The following SCHIP1 variants were observed in gnomAD, a reference collection of about 807,000 sequenced individuals.
SCHIP1 encodes the protein schwannomin-interacting protein 1.
In SCHIP1, 8 loss-of-function variants were observed where a neutral mutation model predicts 29.7. The ratio of observed to expected loss-of-function variants is 0.27; its 90% CI spans 0.16 to 0.49. The LOEUF is 0.49. Ranked by LOEUF, SCHIP1 falls within the 20% of genes least tolerant of loss-of-function variation. The pLI, the probability that SCHIP1 is intolerant of heterozygous loss-of-function variation, is 0.99. For synonymous variants in SCHIP1, 76 were observed against 94.9 expected, an observed-to-expected ratio of 0.80 and a Z score of 1.16; for missense variants, 193 against 294.6, an observed-to-expected ratio of 0.66 and a Z score of 2.52.
the SCHIP1 span, among the ~76,000 whole-genome samples, chr3:159,788,894 A>G: frequency 6.6e-6 from 1 of 152,182 alleles, no homozygotes; most frequent in Non-Finnish European, 1.5e-5. Context: ...AAAATCTGAA[A>G]TCTAAAATGC....
the SCHIP1 span, among the ~76,000 whole-genome samples, chr3:159,450,309 C>T: frequency 6.6e-6 from 1 of 152,180 alleles, no homozygotes; most frequent in Non-Finnish European, 1.5e-5. Context: ...TCCGTAAGTT[C>T]TATTGCCTGC....
At chr3:159,421,147 T>A in the SCHIP1 span, among the ~76,000 whole-genome samples, 2 of 152,246 alleles carry the variant, frequency 1.3e-5, no homozygotes, top group South Asian at 2.1e-4. Context: ...CATCTTTACC[T>A]GCTGTGTTGT....
the SCHIP1 span, among the ~76,000 whole-genome samples, chr3:159,472,500 T>C: frequency 6.6e-6 from 1 of 152,196 alleles, no homozygotes; most frequent in East Asian, 1.9e-4. Context: ...CTATATTGCC[T>C]GAGTCGGCTG....
the SCHIP1 span, among the ~76,000 whole-genome samples, chr3:159,480,418 A>G: frequency 6.6e-6 from 1 of 152,022 alleles, no homozygotes; most frequent in South Asian, 2.1e-4. Context: ...GACAAATCCA[A>G]TTTTCTCACT....
At chr3:159,337,771 T>A in the SCHIP1 span, among the ~76,000 whole-genome samples, 4 of 152,138 alleles carry the variant, frequency 2.6e-5, no homozygotes, top group African/African-American at 9.7e-5. Context: ...ATATTAGCCC[T>A]GTTTCAATCC....
the SCHIP1 span, among the ~76,000 whole-genome samples, chr3:159,460,871 A>C: frequency 2.0e-5 from 3 of 152,168 alleles, no homozygotes; most frequent in African/African-American, 7.2e-5. Flanking sequence ...CCTAGTTTGA[A>C]GTAGAGAAAA....
chr3:159,303,167 A>G, the SCHIP1 span, among the ~76,000 whole-genome samples: 2 of 152,198 alleles, frequency 1.3e-5, no homozygotes, highest in African/African-American at 4.8e-5. Context: ...ACAGGCAGAG[A>G]TGGGAGCACT....
chr3:159,420,804 C>T, the SCHIP1 span, among the ~76,000 whole-genome samples: 3 of 152,138 alleles, frequency 2.0e-5, no homozygotes, highest in Non-Finnish European at 4.4e-5. Context: ...TACTGAGAAG[C>T]TTTATTGAGA....
chr3:159,519,861 G>GA, the SCHIP1 span, among the ~76,000 whole-genome samples: 388 of 146,426 alleles, frequency 2.6e-3, 3 homozygotes, highest in African/African-American at 9.0e-3. Flanking sequence ...CAGTCATGAA[G>GA]AAAAAAAAAA....
the SCHIP1 span, among the ~76,000 whole-genome samples, chr3:159,425,112 A>G: frequency 3.3e-5 from 5 of 151,942 alleles, no homozygotes; most frequent in South Asian, 2.1e-4. Context: ...GACCATCGAG[A>G]CTAGGAAGAA....
chr3:159,477,020 A>T, the SCHIP1 span, among the ~76,000 whole-genome samples: 4 of 152,136 alleles, frequency 2.6e-5, no homozygotes, highest in South Asian at 8.3e-4. Flanking sequence ...TTTAGATTCC[A>T]CATACAAGTG....
At chr3:159,429,724 A>G in the SCHIP1 span, among the ~76,000 whole-genome samples, 1 of 152,180 alleles carries the variant, frequency 6.6e-6, no homozygotes, top group African/African-American at 2.4e-5. Flanking sequence ...CGTATCATTT[A>G]TGAGGTCCAA....
At chr3:159,720,351 T>C in the SCHIP1 span, among the ~76,000 whole-genome samples, 1 of 151,922 alleles carries the variant, frequency 6.6e-6, no homozygotes, top group Non-Finnish European at 1.5e-5. Context: ...AACCTGCACA[T>C]TGTGCACATG....
the SCHIP1 span, among the ~76,000 whole-genome samples, chr3:159,812,077 T>A: frequency 1.3e-5 from 2 of 151,728 alleles, no homozygotes; most frequent in African/African-American, 2.4e-5. Flanking sequence ...CTCAAGCGAT[T>A]CTCGTGCCTC....
chr3:159,276,080 C>T, the SCHIP1 span, among the ~76,000 whole-genome samples: 7 of 144,776 alleles, frequency 4.8e-5, no homozygotes, highest in Admixed American at 2.1e-4. Context: ...AGCTAATTGG[C>T]GGGTGTGGTT....
At chr3:159,510,087 C>T in the SCHIP1 span, among the ~76,000 whole-genome samples, 2 of 152,324 alleles carry the variant, frequency 1.3e-5, no homozygotes, top group East Asian at 3.9e-4. Context: ...CCATTCTCGC[C>T]ATCACTTGCA....
At chr3:159,326,542 T>C in the SCHIP1 span, among the ~76,000 whole-genome samples, 4 of 152,180 alleles carry the variant, frequency 2.6e-5, no homozygotes, top group East Asian at 7.7e-4. Context: ...TCCAGTTATT[T>C]TATTAATTTA....
the SCHIP1 span, among the ~76,000 whole-genome samples, chr3:159,473,210 A>G: frequency 1.3e-5 from 2 of 152,218 alleles, no homozygotes; most frequent in African/African-American, 4.8e-5. Flanking sequence ...TAATTTATCT[A>G]TAGTTTTGGA....
chr3:159,300,356 A>T, the SCHIP1 span, among the ~76,000 whole-genome samples: 5 of 151,690 alleles, frequency 3.3e-5, no homozygotes, highest in Admixed American at 2.6e-4. Flanking sequence ...CTCATCTGTA[A>T]TTCCTGTTCT....
Sources: allele counts gnomAD v4.1 joint callset (sites outside exome capture counted in the v4.1 genomes callset), GRCh38; gene constraint gnomAD v4.1.1; transcripts MANE v1.5; gene names NCBI Gene and HGNC (gene_info 2026-07-23, HGNC 2026-07-21).